The following PLCL1 variants were observed in gnomAD, a reference collection of about 807,000 sequenced individuals.
PLCL1 encodes inactive phospholipase C-like protein 1.
PLCL1 carries 41 observed loss-of-function variants against 84.4 expected under a neutral mutation model. The observed-to-expected ratio is 0.49, with a 90% confidence interval of 0.38 to 0.63. The LOEUF is 0.63. Among genes scored for constraint, PLCL1 ranks in the 30% least tolerant of loss-of-function variants. The pLI is 0.00. For synonymous variants in PLCL1, 490 were observed against 488.3 expected (o/e 1.00, Z -0.05); for missense variants, 1,206 against 1,367.8 (o/e 0.88, Z 1.87).
chr2:197,851,587 G>C (rs777934555), intron 1 of PLCL1, among the ~76,000 whole-genome samples: 17 of 152,178 alleles, frequency 1.1e-4, no homozygotes, highest in Admixed American at 2.6e-4. Context: ...CTAAAATCTG[G>C]GTACAAGTGA....
At chr2:197,827,379 T>C (rs1323463210) in intron 1 of PLCL1, among the ~76,000 whole-genome samples, 1 of 151,326 alleles carries the variant, frequency 6.6e-6, no homozygotes, top group Non-Finnish European at 1.5e-5. Flanking sequence ...TATATGTGTA[T>C]ATATATATAT....
intron 1 of PLCL1, among the ~76,000 whole-genome samples, chr2:197,963,938 CA>C (rs1255991607): frequency 6.6e-6 from 1 of 152,026 alleles, no homozygotes; most frequent in East Asian, 1.9e-4. Flanking sequence ...TATTCTGTTC[CA>C]TTAGTCTATG....
intron 1 of PLCL1, among the ~76,000 whole-genome samples, chr2:197,869,912 C>A (rs979576978): frequency 6.6e-6 from 1 of 152,108 alleles, no homozygotes; most frequent in African/African-American, 2.4e-5. Context: ...TATCTTCTAG[C>A]TTCTTATCTG....
Position 197,805,319 on chromosome 2 carries a change from C to A in PLCL1, c.220C>A (p.Arg74=), listed in dbSNP as rs1000964653. ...CCTGGAGGCAGCACGGGCGACCCCCCGGCGCAGCAGCATCATCAAGGTAAG... is the reference window on the plus strand; with the variant it reads ...CCTGGAGGCAGCACGGGCGACCCCCAGGCGCAGCAGCATCATCAAGGTAAG... ...GLLEAARATP[R]RSSIIKDPSN... The change falls in exon 1 of 6, where the codon CGG becomes AGG. Residue 74 remains arginine (R), a synonymous_variant. Coordinates refer to ENST00000428675, the MANE Select transcript of PLCL1 (RefSeq NM_006226.4). This position sits in a 1 kb window ranked among gnomAD's most constrained non-coding sequence, Gnocchi z 4.0. The A allele has an allele frequency of 7.6e-6, 10 of 1,309,714 alleles. No individual in the cohort carries two copies. Among genetic ancestry groups the A allele is most frequent in the Non-Finnish European group, 9.7e-6 (10 of 1,033,742 alleles). The allele number at this position is 1,309,714 out of a possible 1,614,324, so 81.1% of individuals were successfully genotyped here. A position where few individuals can be genotyped will look rare whatever the true frequency, so the allele number is the denominator to read the frequency against.
chr2:198,061,927 C>T (rs1020779987), intron 1 of PLCL1, among the ~76,000 whole-genome samples: 3 of 152,152 alleles, frequency 2.0e-5, no homozygotes, highest in Admixed American at 6.5e-5. Context: ...TCAATAGGTA[C>T]GTTGATTCTT....
chr2:198,013,855 G>A (rs1225804413), intron 1 of PLCL1, among the ~76,000 whole-genome samples: 1 of 152,028 alleles, frequency 6.6e-6, no homozygotes, highest in Non-Finnish European at 1.5e-5. Flanking sequence ...TGAATACTCT[G>A]GGGATTTGGA....
chr2:198,072,117 T>C (rs1692479060), intron 1 of PLCL1, among the ~76,000 whole-genome samples: 1 of 151,908 alleles, frequency 6.6e-6, no homozygotes, highest in South Asian at 2.1e-4. Flanking sequence ...TGGTAATTTT[T>C]AACATTTTTA....
intron 3 of PLCL1, among the ~76,000 whole-genome samples, chr2:198,092,812 AACTCCGTGAG>A (rs1693079894): frequency 6.6e-6 from 1 of 152,128 alleles, no homozygotes; most frequent in Non-Finnish European, 1.5e-5. Flanking sequence ...TTTGAATGTA[AACTCCGTGAG>A]GTTAGATCCT....
In PLCL1 at chr2:198,093,563, G is replaced by C. The variant is rs1201631336; in HGVS notation, c.2919+4502G>C. Among the ~76,000 whole-genome samples, 6 of 152,268 alleles carry C rather than the reference G, an allele frequency of 3.9e-5. No homozygotes were observed. The East Asian group carries it at 7.7e-4, about 20-fold the overall frequency. On this transcript the variant is annotated intron_variant, in intron 3 of 5. Coordinates refer to ENST00000428675, the MANE Select transcript of PLCL1 (RefSeq NM_006226.4). ...TCCAAGATTTATTGCCTAGTGGTGT[G>C]GTTGGTGTGGGGAGAAGGTATTCCA...
At chr2:198,082,817 A>G (rs534578312) in intron 1 of PLCL1, among the ~76,000 whole-genome samples, 67 of 152,316 alleles carry the variant, frequency 4.4e-4, no homozygotes, top group African/African-American at 1.6e-3. Flanking sequence ...CCTAGATACA[A>G]TCAAGAAGGA....
intron 1 of PLCL1, among the ~76,000 whole-genome samples, chr2:197,940,106 G>T (rs1474297718): frequency 6.6e-6 from 1 of 151,382 alleles, no homozygotes. Context: ...TCTCCAAATT[G>T]TTTTTTTTGA....
intron 1 of PLCL1, among the ~76,000 whole-genome samples, chr2:197,854,097 G>T (rs1687289240): frequency 6.6e-6 from 1 of 152,140 alleles, no homozygotes; most frequent in South Asian, 2.1e-4. Flanking sequence ...TTATTAGCTT[G>T]TGAGTTCAGA....
At chr2:197,913,537 G>A (rs1205850378) in intron 1 of PLCL1, among the ~76,000 whole-genome samples, 4 of 152,124 alleles carry the variant, frequency 2.6e-5, no homozygotes, top group Non-Finnish European at 5.9e-5. Context: ...ATTCCACTAC[G>A]CATTCCCCTA....
At chr2:197,818,158 A>C (rs1481289993) in intron 1 of PLCL1, among the ~76,000 whole-genome samples, 1 of 152,092 alleles carries the variant, frequency 6.6e-6, no homozygotes, top group Non-Finnish European at 1.5e-5. Flanking sequence ...TAGATTTACC[A>C]ATAGGGAGAA....
chr2:197,954,047 C>T (rs1689441149), intron 1 of PLCL1, among the ~76,000 whole-genome samples: 1 of 152,058 alleles, frequency 6.6e-6, no homozygotes, highest in Non-Finnish European at 1.5e-5. Flanking sequence ...TTTTCTGACT[C>T]AACTGTGACT....
intron 1 of PLCL1, among the ~76,000 whole-genome samples, chr2:197,909,126 C>G (rs1688437702): frequency 6.6e-6 from 1 of 152,118 alleles, no homozygotes; most frequent in African/African-American, 2.4e-5. Flanking sequence ...AACTGAGCTC[C>G]CTTTTCTTCC....
At chr2:197,980,468 C>T (rs1690080108) in intron 1 of PLCL1, among the ~76,000 whole-genome samples, 1 of 152,206 alleles carries the variant, frequency 6.6e-6, no homozygotes, top group Admixed American at 6.5e-5. Flanking sequence ...CCCATAAGGA[C>T]ACTCACTTAT....
intron 1 of PLCL1, among the ~76,000 whole-genome samples, chr2:197,881,691 G>A (rs1559033989): frequency 1.3e-5 from 2 of 152,058 alleles, no homozygotes; most frequent in Admixed American, 6.6e-5. Context: ...ATGTTTTAGT[G>A]CTTTTATTAG....
intron 1 of PLCL1, among the ~76,000 whole-genome samples, chr2:198,029,543 C>G (rs142806519): frequency 1.3e-5 from 2 of 152,050 alleles, no homozygotes; most frequent in African/African-American, 2.4e-5. Context: ...GGGTTTTAGA[C>G]AAATGAAAGT....
Sources: allele counts gnomAD v4.1 joint callset (sites outside exome capture counted in the v4.1 genomes callset), GRCh38; gene constraint gnomAD v4.1.1; non-coding constraint Gnocchi (gnomAD v3.1); transcripts MANE v1.5; gene names NCBI Gene and HGNC (gene_info 2026-07-23, HGNC 2026-07-21).